Variants in TPH2 observed in about 807,000 individuals in gnomAD.
TPH2 encodes tryptophan hydroxylase 2.
In TPH2, 27 loss-of-function variants were observed where a neutral mutation model predicts 59.1. That is an observed-to-expected ratio of 0.46 (90% CI 0.34 to 0.63). The LOEUF (loss-of-function observed/expected upper bound fraction) is 0.63, where lower values mean the gene tolerates loss of function less well. Ranked by LOEUF, TPH2 falls within the 30% of genes least tolerant of loss-of-function variation. TPH2 has a pLI of 0.01. For missense variants in TPH2, 523 were observed against 588.3 expected, an observed-to-expected ratio of 0.89 and a Z score of 1.15; for synonymous variants, 220 against 210.5, an observed-to-expected ratio of 1.05 and a Z score of -0.39.
chr12:71,961,998 T>C, intron 5 of TPH2: 1 of 1,028,774 alleles, frequency 9.7e-7, no homozygotes, highest in Non-Finnish European at 1.2e-6. Context: ...AAAATTCATG[T>C]GTGCAAAACT....
At chr12:72,016,387 G>A (rs764940088) in intron 8 of TPH2, among the ~76,000 whole-genome samples, 3 of 151,898 alleles carry the variant, frequency 2.0e-5, no homozygotes, top group Admixed American at 6.6e-5. Flanking sequence ...TATTTTTCTT[G>A]TTCCCCTTCT....
Position 72,031,885 on chromosome 12 carries a change from C to T in TPH2, c.*190C>T. The T allele has an allele frequency of 1.5e-6, 1 of 657,242 alleles. No homozygotes were observed. The highest frequency in any genetic ancestry group is 2.7e-6 in the Non-Finnish European group (1 of 372,790). The allele number at this position is 657,242 out of a possible 1,614,324, so 40.7% of individuals were successfully genotyped here. ...CCATAAGAAATCCAATGGCAGATAACCACTCATTGTATGAAATAACGTATT... is the reference window on the plus strand; with the variant it reads ...CCATAAGAAATCCAATGGCAGATAATCACTCATTGTATGAAATAACGTATT... On this transcript the variant is annotated 3_prime_UTR_variant, in exon 11 of 11. Transcript: ENST00000333850.
intron 1 of TPH2, among the ~76,000 whole-genome samples, chr12:71,939,631 T>G (rs1871001728): frequency 6.6e-6 from 1 of 152,128 alleles, no homozygotes; most frequent in South Asian, 2.1e-4. Context: ...CTTTCAAAAG[T>G]TTTTCTGTGT....
At chr12:72,001,550 C>T (rs1032791673) in intron 8 of TPH2, among the ~76,000 whole-genome samples, 13 of 151,984 alleles carry the variant, frequency 8.6e-5, no homozygotes, top group South Asian at 4.2e-4. Flanking sequence ...CTCAGCCCCC[C>T]GGGTAGATGG....
intron 8 of TPH2, among the ~76,000 whole-genome samples, chr12:72,009,111 A>T (rs1364739588): frequency 6.6e-6 from 1 of 152,180 alleles, no homozygotes; most frequent in African/African-American, 2.4e-5. Flanking sequence ...ATTGCTTTAT[A>T]CCAGTGGCCA....
chr12:71,974,007 T>C (rs1872046971), intron 6 of TPH2, among the ~76,000 whole-genome samples: 1 of 152,118 alleles, frequency 6.6e-6, no homozygotes, highest in Non-Finnish European at 1.5e-5. Flanking sequence ...GTGGTCCCGC[T>C]TTCTCCTCTG....
chr12:71,997,242 T>C (rs1872714858), intron 8 of TPH2, among the ~76,000 whole-genome samples: 1 of 152,174 alleles, frequency 6.6e-6, no homozygotes, highest in Non-Finnish European at 1.5e-5. Context: ...TGACCAAGAC[T>C]GGGAAAAGTC....
At chr12:71,975,301 C>T (rs747287880) in intron 6 of TPH2, among the ~76,000 whole-genome samples, 52 of 152,236 alleles carry the variant, frequency 3.4e-4, no homozygotes, top group Non-Finnish European at 4.9e-4. Flanking sequence ...GCTGAGATCA[C>T]GCCACTGCAC....
chr12:71,961,301 A>G (rs1438721233), intron 5 of TPH2, among the ~76,000 whole-genome samples: 1 of 152,226 alleles, frequency 6.6e-6, no homozygotes. Context: ...TGGGATAAGC[A>G]TTATATGACA....
chr12:71,968,638 C>T (rs1482348379), intron 5 of TPH2, among the ~76,000 whole-genome samples: 1 of 152,220 alleles, frequency 6.6e-6, no homozygotes, highest in Admixed American at 6.5e-5. Flanking sequence ...CTCGCAGGTG[C>T]GCTCTCAGGG....
At chr12:72,017,991 G>C (rs1014893271) in intron 8 of TPH2, among the ~76,000 whole-genome samples, 1 of 152,168 alleles carries the variant, frequency 6.6e-6, no homozygotes, top group Non-Finnish European at 1.5e-5. Context: ...GCAAGTTTGT[G>C]ATTCAAATTT....
chr12:71,994,332 T>C, intron 7 of TPH2, 107 bp from the exon 8 acceptor site: 4 of 1,231,776 alleles, frequency 3.2e-6, no homozygotes, highest in Non-Finnish European at 4.8e-6. Flanking sequence ...CTGTAGTAAC[T>C]AATTAATTAC....
chr12:71,957,496 C>T (rs1871544012), intron 5 of TPH2, among the ~76,000 whole-genome samples: 1 of 151,950 alleles, frequency 6.6e-6, no homozygotes, highest in Non-Finnish European at 1.5e-5. Flanking sequence ...GCCACCATAT[C>T]TGGCTAATTT....
intron 4 of TPH2, 35 bp from the exon 5 acceptor site, chr12:71,949,553 C>A: frequency 6.3e-7 from 1 of 1,584,304 alleles, no homozygotes; most frequent in Non-Finnish European, 8.7e-7. Context: ...ATTTTCAGCA[C>A]TTTGTTAAAT....
chr12:71,965,749 T>C (rs1242413519), intron 5 of TPH2, among the ~76,000 whole-genome samples: 2 of 152,214 alleles, frequency 1.3e-5, no homozygotes, highest in African/African-American at 2.4e-5. Flanking sequence ...TATTTTCTCC[T>C]ATTCTGTAGG....
intron 5 of TPH2, among the ~76,000 whole-genome samples, chr12:71,969,924 A>G (rs779058439): frequency 1.1e-4 from 16 of 152,226 alleles, no homozygotes; most frequent in Non-Finnish European, 2.4e-4. Flanking sequence ...TATCTACCTC[A>G]TGGAATTGTG....
intron 5 of TPH2, chr12:71,965,193 CATGTAGG>C (rs1426025215): frequency 6.6e-6 from 1 of 152,228 alleles, no homozygotes. Flanking sequence ...CACTGATGGA[CATGTAGG>C]TTGATTCTGT....
chr12:71,978,435 T>C (rs1423936718), intron 6 of TPH2, among the ~76,000 whole-genome samples: 3 of 152,184 alleles, frequency 2.0e-5, no homozygotes, highest in African/African-American at 7.2e-5. Flanking sequence ...CAAATCATGA[T>C]AATTTATATA....
intron 5 of TPH2, among the ~76,000 whole-genome samples, chr12:71,954,900 A>C (rs1871452622): frequency 6.6e-6 from 1 of 151,946 alleles, no homozygotes; most frequent in South Asian, 2.1e-4. Flanking sequence ...AGAGGCCCTG[A>C]GCTCCTACTT....
Sources: allele counts gnomAD v4.1 joint callset (sites outside exome capture counted in the v4.1 genomes callset), GRCh38; gene constraint gnomAD v4.1.1; transcripts MANE v1.5; gene names NCBI Gene and HGNC (gene_info 2026-07-23, HGNC 2026-07-21).